MYPN: variants seen among roughly 807,000 people sequenced by gnomAD.
MYPN encodes the protein myopalladin.
MYPN carries 63 observed loss-of-function variants against 129.4 expected under a neutral mutation model. The observed-to-expected ratio is 0.49, with a 90% CI of 0.40 to 0.60. The LOEUF is 0.60. MYPN is among the 20% of genes least tolerant of loss of function. MYPN has a pLI of 0.00. For synonymous variants in MYPN, 629 were observed against 600.9 expected (o/e 1.05, Z -0.68); for missense variants, 1,596 against 1,635.4 (o/e 0.98, Z 0.42).
intron 1 of MYPN, among the ~76,000 whole-genome samples, chr10:68,093,545 C>T (rs1185192859): frequency 2.0e-5 from 3 of 148,970 alleles, no homozygotes; most frequent in East Asian, 3.9e-4. Context: ...GAGACCATCC[C>T]GGCTAACGTG....
intron 7 of MYPN, among the ~76,000 whole-genome samples, chr10:68,160,707 A>G (rs996842423): frequency 2.0e-5 from 3 of 151,876 alleles, no homozygotes; most frequent in Non-Finnish European, 4.4e-5. Context: ...ACGTGAGGCC[A>G]GAAGTTTGAG....
chr10:68,145,590 T>C, intron 4 of MYPN, 64 bp downstream of exon 4: 2 of 1,360,782 alleles, frequency 1.5e-6, no homozygotes, highest in Middle Eastern at 1.8e-4. Flanking sequence ...TCAAAGAGAA[T>C]GATTAATTGG....
rs144455679 is a variant in MYPN, at chr10:68,194,162, AT to A, written c.2926-199del. ...TGACTTAAATAATATAATATTTAAT[AT>A]TAAATAGTATTATACAGGTACGAGT... On this transcript the variant is annotated intron_variant, in intron 13 of 19. Transcript: ENST00000358913. 5.2e-3 allele frequency among the ~76,000 whole-genome samples: 789 copies of A among 152,234 alleles called. 10 individuals carry two copies. Among genetic ancestry groups the A allele is most frequent in the African/African-American group, 0.018 (760 of 41,554 alleles).
Position 68,117,208 on chromosome 10 carries a change from G to C in MYPN, c.-1-4230G>C, listed in dbSNP as rs371593937. Among the ~76,000 whole-genome samples the C allele has an allele frequency of 1.4e-3, 199 of 146,788 alleles. 1 individual carries two copies. Among genetic ancestry groups the C allele is most frequent in the African/African-American group, 4.6e-3 (182 of 39,546 alleles). ...CATTGCACTCCAGCCTGGGCAACAA[G>C]AGCGAAACTCTGTCTTAAAAAAAAA... On this transcript the variant is annotated intron_variant, in intron 1 of 19. Coordinates refer to ENST00000358913, the MANE Select transcript of MYPN (RefSeq NM_032578.4).
Position 68,199,449 on chromosome 10 carries a change from G to A in MYPN, c.3367G>A (p.Val1123Ile). The stretch of plus-strand genomic sequence containing the variant: ...ACCAGATGCCTCCCACAAGATGCTG[G>A]TCAGGGAGACCGGAGTCCACTCTCT... ...VLPDASHKML[V>I]RETGVHSLLI... The change falls in exon 17 of 20, where the codon GTC becomes ATC. Residue 1123 changes from valine (V) to isoleucine (I), a missense_variant. Physicochemically the swap from Val to Ile is conservative, Grantham distance 29. Coordinates refer to ENST00000358913, the MANE Select transcript of MYPN (RefSeq NM_032578.4). 1 of 1,614,182 alleles carries A rather than the reference G, an allele frequency of 6.2e-7. No homozygotes were observed. Among genetic ancestry groups the A allele is most frequent in the Non-Finnish European group, 8.5e-7 (1 of 1,180,034 alleles).
chr10:68,109,423 G>T, upstream of MYPN: 1 of 440,606 alleles, frequency 2.3e-6, no homozygotes. Flanking sequence ...GTTTTCTCCT[G>T]TCCAATCAGG....
chr10:68,167,384 G>C (rs1355263560), intron 10 of MYPN, among the ~76,000 whole-genome samples: 11 of 152,128 alleles, frequency 7.2e-5, no homozygotes, highest in Admixed American at 7.2e-4. Flanking sequence ...TTTTTAGATA[G>C]TTCCTAGCTG....
At chr10:68,160,418 A>C (rs2042954410) in intron 7 of MYPN, among the ~76,000 whole-genome samples, 1 of 130,132 alleles carries the variant, frequency 7.7e-6, no homozygotes, top group Non-Finnish European at 1.6e-5. Flanking sequence ...CAACAGAGTG[A>C]GACCTTATCT....
chr10:68,121,459 A>C lies in MYPN; in HGVS notation c.21A>C (p.Glu7Asp), dbSNP rs759945622. MQDDSI[E>D]ASTSISQLLR... ...ACAGCATGCAAGACGACAGCATAGA[A>C]GCTTCTACTTCCATATCTCAGCTTC... Residue 7 changes from glutamate to aspartate, a missense_variant, in exon 2 of 20, where the codon GAA becomes GAC. Glu to Asp is a conservative substitution (Grantham distance 45, BLOSUM62 2). Coordinates refer to ENST00000358913, the MANE Select transcript of MYPN (RefSeq NM_032578.4). The C allele has an allele frequency of 6.2e-7, 1 of 1,612,660 alleles. No individual in the cohort carries two copies. Among genetic ancestry groups the C allele is most frequent in the Non-Finnish European group, 8.5e-7 (1 of 1,179,436 alleles).
chr10:68,149,121 G>A (rs978994722), intron 5 of MYPN, among the ~76,000 whole-genome samples: 4 of 151,132 alleles, frequency 2.6e-5, no homozygotes, highest in South Asian at 2.1e-4. Flanking sequence ...CCAGCTACTC[G>A]GGAGGCTGAC....
At chr10:68,089,919 G>A (rs956601470) in intron 1 of MYPN, among the ~76,000 whole-genome samples, 1 of 152,138 alleles carries the variant, frequency 6.6e-6, no homozygotes, top group Non-Finnish European at 1.5e-5. Context: ...ATGGAATGAA[G>A]TATATCCATT....
chr10:68,150,023 T>G lies in MYPN; in HGVS notation c.1246-17T>G. 8 of 1,607,168 alleles carry G rather than the reference T, an allele frequency of 5.0e-6. No individual in the cohort carries two copies. The highest frequency in any genetic ancestry group is 6.8e-6 in the Non-Finnish European group (8 of 1,173,712). ...ATATTAGTAACAATGAATTTACTGT[T>G]GCTTCCCTTCTACCAGTGTCAGAGC... On this transcript the variant is annotated splice_polypyrimidine_tract_variant and intron_variant, in intron 5 of 19. Coordinates refer to ENST00000358913, the MANE Select transcript of MYPN (RefSeq NM_032578.4).
At chr10:68,092,476 C>T (rs2041935631) in intron 1 of MYPN, among the ~76,000 whole-genome samples, 1 of 141,584 alleles carries the variant, frequency 7.1e-6, no homozygotes, top group African/African-American at 2.6e-5. Flanking sequence ...GCCTGGGGGA[C>T]AAGAGTGAGA....
At chr10:68,152,225 A>T (rs1326901701) in intron 6 of MYPN, among the ~76,000 whole-genome samples, 6 of 152,164 alleles carry the variant, frequency 3.9e-5, no homozygotes, top group Non-Finnish European at 7.3e-5. Flanking sequence ...CAGAGAATAG[A>T]TTATAAATGT....
At chr10:68,154,938 G>T (rs376914207) in intron 6 of MYPN, among the ~76,000 whole-genome samples, 65 of 152,232 alleles carry the variant, frequency 4.3e-4, no homozygotes, top group Middle Eastern at 3.4e-3. Context: ...CCAGCACTTC[G>T]GGAGGTTGAG....
chr10:68,167,824 C>T (rs1302061207), intron 10 of MYPN, among the ~76,000 whole-genome samples: 1 of 152,148 alleles, frequency 6.6e-6, no homozygotes. Context: ...TCCTGTCAGT[C>T]ACAGGAAACA....
chr10:68,151,196 T>C (rs1347094440), intron 6 of MYPN, among the ~76,000 whole-genome samples: 2 of 152,200 alleles, frequency 1.3e-5, no homozygotes, highest in African/African-American at 2.4e-5. Context: ...CTTAAAGGAA[T>C]AGCTAAATCC....
chr10:68,147,312 G>T (rs182418359), intron 4 of MYPN, among the ~76,000 whole-genome samples: 40 of 152,172 alleles, frequency 2.6e-4, no homozygotes, highest in Admixed American at 2.4e-3. Flanking sequence ...ACGCCACCAT[G>T]CCTGGCTAAT....
chr10:68,128,700 G>A (rs1015230995), intron 2 of MYPN, among the ~76,000 whole-genome samples: 1 of 152,114 alleles, frequency 6.6e-6, no homozygotes, highest in Non-Finnish European at 1.5e-5. Context: ...ATAAAGGAGG[G>A]AGCATATAGC....
Sources: allele counts gnomAD v4.1 joint callset (sites outside exome capture counted in the v4.1 genomes callset), GRCh38; gene constraint gnomAD v4.1.1; transcripts MANE v1.5; gene names NCBI Gene and HGNC (gene_info 2026-07-23, HGNC 2026-07-21).